CLASP1: variants seen among roughly 807,000 people sequenced by gnomAD.
CLASP1 encodes CLIP-associating protein 1.
Under a neutral mutation model 192.3 loss-of-function variants are expected in CLASP1, and 38 were observed. The observed-to-expected ratio is 0.20, with a 90% CI of 0.15 to 0.26. The LOEUF is 0.26. Among genes scored for constraint, CLASP1 ranks in the 10% least tolerant of loss-of-function variants. The pLI, the probability that CLASP1 is intolerant of heterozygous loss-of-function variation, is 1.00. For missense variants in CLASP1, 1,433 were observed against 1,932.5 expected (o/e 0.74, Z 4.85); for synonymous variants, 691 against 712.8 (o/e 0.97, Z 0.49).
chr2:121,557,486 A>C (rs1199452922), intron 2 of CLASP1, among the ~76,000 whole-genome samples: 1 of 151,918 alleles, frequency 6.6e-6, no homozygotes, highest in African/African-American at 2.4e-5. Context: ...CAGGAGGCTG[A>C]GGCAGGAGAA....
At chr2:121,474,475 G>A (rs149258598) in intron 8 of CLASP1, among the ~76,000 whole-genome samples, 5,645 of 152,242 alleles carry the variant, frequency 0.037, 156 homozygotes, top group East Asian at 0.14. Context: ...GGTGGCTCAC[G>A]CCTGTAATCC....
At chr2:121,647,168 G>GTGAA (rs2073332477) in intron 1 of CLASP1, among the ~76,000 whole-genome samples, 2 of 151,966 alleles carry the variant, frequency 1.3e-5, no homozygotes, top group Non-Finnish European at 2.9e-5. Context: ...AGGAGTTCAA[G>GTGAA]ACCAGCCTGG....
rs544006050 is a variant in CLASP1, at chr2:121,593,573, C to G, written c.195+12128G>C. 8.0e-4 allele frequency among the ~76,000 whole-genome samples: 116 copies of G among 145,812 alleles called. No individual in the cohort carries two copies. The Middle Eastern group carries it at 0.018, about 23-fold the overall frequency. The stretch of plus-strand genomic sequence containing the variant: ...GGCGGAAGTTGCAGGGAGCTGAGAT[C>G]GTGCCACTGCACTCCAGCCTGGGCA... On this transcript the variant is annotated intron_variant, in intron 2 of 39. Transcript: ENST00000263710.
intron 37 of CLASP1, among the ~76,000 whole-genome samples, chr2:121,362,634 C>T (rs2066639484): frequency 6.6e-6 from 1 of 152,262 alleles, no homozygotes; most frequent in Non-Finnish European, 1.5e-5. Context: ...CCACTGTTGG[C>T]AGGCGCTGGG....
At chr2:121,586,125 C>T (rs1369388126) in intron 2 of CLASP1, among the ~76,000 whole-genome samples, 1 of 151,954 alleles carries the variant, frequency 6.6e-6, no homozygotes, top group African/African-American at 2.4e-5. Context: ...TTTGAGGACC[C>T]TATTCTTTTT....
At chr2:121,591,404 C>T (rs2062384117) in intron 2 of CLASP1, among the ~76,000 whole-genome samples, 1 of 152,128 alleles carries the variant, frequency 6.6e-6, no homozygotes, top group Non-Finnish European at 1.5e-5. Context: ...TTGCTTCTCC[C>T]TCACTTCCTC....
intron 37 of CLASP1, among the ~76,000 whole-genome samples, chr2:121,356,216 T>C (rs1228073053): frequency 6.6e-6 from 1 of 152,044 alleles, no homozygotes; most frequent in African/African-American, 2.4e-5. Context: ...GTCTTGAGCT[T>C]AGCTACTCAA....
At chr2:121,504,249 A>G (rs1390422827) in intron 7 of CLASP1, among the ~76,000 whole-genome samples, 1 of 151,858 alleles carries the variant, frequency 6.6e-6, no homozygotes, top group African/African-American at 2.4e-5. Flanking sequence ...AAAAAAAGAA[A>G]GAAAAAAGAG....
chr2:121,384,093 T>TACAC (rs1156303870), intron 32 of CLASP1, among the ~76,000 whole-genome samples: 2 of 135,808 alleles, frequency 1.5e-5, no homozygotes, highest in Admixed American at 7.3e-5. Flanking sequence ...TATGTATATA[T>TACAC]ACACACATAT....
intron 6 of CLASP1, among the ~76,000 whole-genome samples, chr2:121,520,725 G>A (rs2094437933): frequency 6.6e-6 from 1 of 152,208 alleles, no homozygotes; most frequent in African/African-American, 2.4e-5. Context: ...GCAGAACTCA[G>A]GCTTTTCTTA....
At chr2:121,451,733 G>T in intron 15 of CLASP1, 57 bp downstream of exon 15, 1 of 1,362,042 alleles carries the variant, frequency 7.3e-7, no homozygotes, top group Non-Finnish European at 1.0e-6. Context: ...ACTCACCAAA[G>T]CATTCACTCT....
At chr2:121,369,227 T>C (rs1331160995) in intron 34 of CLASP1, among the ~76,000 whole-genome samples, 2 of 152,242 alleles carry the variant, frequency 1.3e-5, no homozygotes, top group African/African-American at 4.8e-5. Context: ...TCTTTTGGAC[T>C]TGAATCTAGT....
chr2:121,411,832 T>C (rs1323252710), intron 23 of CLASP1, among the ~76,000 whole-genome samples: 2 of 152,188 alleles, frequency 1.3e-5, no homozygotes, highest in Admixed American at 1.3e-4. Context: ...AAAGGCAGTG[T>C]AAGTTGTATC....
intron 37 of CLASP1, among the ~76,000 whole-genome samples, chr2:121,353,325 A>C (rs1473217177): frequency 2.0e-5 from 3 of 152,172 alleles, no homozygotes; most frequent in Admixed American, 2.0e-4. Context: ...CCGAGACTCC[A>C]CAGAGGCCCA....
chr2:121,604,397 G>A (rs114594650), intron 2 of CLASP1, among the ~76,000 whole-genome samples: 31 of 152,306 alleles, frequency 2.0e-4, no homozygotes, highest in African/African-American at 6.5e-4. Flanking sequence ...GGCTGGGCAC[G>A]GTGGCACACG....
chr2:121,388,024 C>A, intron 30 of CLASP1, 118 bp from the exon 32 acceptor site: 1 of 709,528 alleles, frequency 1.4e-6, no homozygotes, highest in Non-Finnish European at 2.2e-6. Flanking sequence ...GCATTCTAGG[C>A]ATCAAAAACA....
intron 2 of CLASP1, 137 bp downstream of exon 2, chr2:121,605,564 G>C: frequency 1.6e-6 from 1 of 618,796 alleles, no homozygotes; most frequent in East Asian, 2.7e-5. Flanking sequence ...ATAACCCAAG[G>C]CCACAATCTG....
At chr2:121,566,531 T>C (rs766281161) in intron 2 of CLASP1, among the ~76,000 whole-genome samples, 10 of 152,228 alleles carry the variant, frequency 6.6e-5, no homozygotes, top group Non-Finnish European at 1.2e-4. Flanking sequence ...GCCCAAGATG[T>C]CTGCAAACAG....
chr2:121,515,575 GA>G, intron 7 of CLASP1, 89 bp downstream of exon 7: 1 of 902,556 alleles, frequency 1.1e-6, no homozygotes, highest in Non-Finnish European at 1.7e-6. Context: ...AACCACAACA[GA>G]AAAAGTATTG....
Sources: gnomAD v4.1 joint callset for allele counts (sites outside exome capture counted in the v4.1 genomes callset) on GRCh38, gnomAD v4.1.1 for gene constraint, MANE v1.5 for transcripts, NCBI Gene and HGNC (gene_info 2026-07-23, HGNC 2026-07-21) for gene names.